Variants in DOCK6 observed in about 807,000 individuals in gnomAD.
The protein encoded by DOCK6 is dedicator of cytokinesis 6.
A neutral mutation model predicts 230.3 loss-of-function variants in DOCK6; 167 were observed. That is an observed-to-expected ratio of 0.73 (90% CI 0.64 to 0.82). The LOEUF (loss-of-function observed/expected upper bound fraction) is 0.82, where lower values mean the gene tolerates loss of function less well. Among genes scored for constraint, DOCK6 ranks in the 40% least tolerant of loss-of-function variants. The pLI is 0.00. For synonymous variants in DOCK6, 1,148 were observed against 1,185.0 expected (o/e 0.97, Z 0.64); for missense variants, 2,598 against 2,825.8 (o/e 0.92, Z 1.83).
rs1262410494 is a variant in DOCK6, at chr19:11,201,827, C to T, written c.5688+62G>A. 2 of 1,300,412 alleles carry T rather than the reference C, an allele frequency of 1.5e-6. No individual in the cohort carries two copies. The highest frequency in any genetic ancestry group is 4.2e-5 in the Admixed American group (2 of 47,744). 80.6% of individuals were successfully genotyped at this position (1,300,412 alleles called of 1,614,324 possible). The stretch of plus-strand genomic sequence containing the variant: ...GGTCCCTGTGTCTACCCTCCCCTCC[C>T]CTCCCAGGGTCTGATGTCCCCTCAC... On this transcript the variant is annotated intron_variant, in intron 44 of 47. Coordinates refer to ENST00000294618, the MANE Select transcript of DOCK6 (RefSeq NM_020812.4). This position sits in a 1 kb window ranked among gnomAD's most constrained non-coding sequence, Gnocchi z 4.3.
chr19:11,220,087 T>A (rs567853059), intron 28 of DOCK6, among the ~76,000 whole-genome samples: 28 of 151,976 alleles, frequency 1.8e-4, no homozygotes, highest in Non-Finnish European at 3.1e-4. Flanking sequence ...CCAAGTAGCT[T>A]GGATTACCGG....
At chr19:11,261,612 CAG>C (rs2080290261) in intron 1 of DOCK6, among the ~76,000 whole-genome samples, 1 of 152,150 alleles carries the variant, frequency 6.6e-6, no homozygotes, top group Non-Finnish European at 1.5e-5. Flanking sequence ...TTTTCAGCCC[CAG>C]AGAGTCTGAT....
At chr19:11,241,854 G>C in intron 14 of DOCK6, 191 bp downstream of exon 14, 1 of 1,323,750 alleles carries the variant, frequency 7.6e-7, no homozygotes, top group Non-Finnish European at 1.0e-6. Flanking sequence ...CAAAGGCAGA[G>C]GATGTAGCCC....
At chr19:11,239,546 C>G in intron 14 of DOCK6, 1 of 1,471,722 alleles carries the variant, frequency 6.8e-7, no homozygotes, top group Non-Finnish European at 9.3e-7. Flanking sequence ...GGCACCAGGT[C>G]GGCCAGTTAA....
At chr19:11,215,533 G>A in intron 31 of DOCK6, 62 bp from the exon 32 acceptor site, 1 of 1,499,880 alleles carries the variant, frequency 6.7e-7, no homozygotes, top group Non-Finnish European at 9.2e-7. Flanking sequence ...TGAACATCAG[G>A]AGAAATGCAC....
intron 32 of DOCK6, 127 bp downstream of exon 32, chr19:11,215,260 T>G: frequency 1.2e-6 from 1 of 826,260 alleles, no homozygotes; most frequent in South Asian, 1.7e-5. Context: ...GGCTAATTTT[T>G]AAATTTTTGG....
Position 11,262,429 on chromosome 19 carries a change from G to A in DOCK6, c.12C>T (p.Ser4=), listed in dbSNP as rs560244093. MAA[S]ERRAFAHKIN... is the part of the protein sequence containing the mutation. Reference sequence around the variant, plus strand: ...TCTTGTGCGCGAAGGCGCGGCGCTCGGAGGCAGCCATGGTCCTCGCGTCCC... The same window carrying A: ...TCTTGTGCGCGAAGGCGCGGCGCTCAGAGGCAGCCATGGTCCTCGCGTCCC... Residue 4 remains serine (S), a synonymous_variant, in exon 1 of 48, where the codon TCC becomes TCT. Coordinates refer to ENST00000294618, the MANE Select transcript of DOCK6 (RefSeq NM_020812.4). The A allele has an allele frequency of 4.3e-5, 54 of 1,254,576 alleles. No homozygotes were observed. Among genetic ancestry groups the A allele is most frequent in the Non-Finnish European group, 5.3e-5 (53 of 998,930 alleles). The allele number at this position is 1,254,576 out of a possible 1,614,324, so 77.7% of individuals were successfully genotyped here.
chr19:11,249,994 G>A (rs1944716304), intron 6 of DOCK6, among the ~76,000 whole-genome samples: 1 of 150,518 alleles, frequency 6.6e-6, no homozygotes, highest in African/African-American at 2.4e-5. Flanking sequence ...GTATATAGTA[G>A]GTGTCCATAT....
rs201242151 is a variant in DOCK6, at chr19:11,238,309, G to A, written c.1644-5C>T. 6 of 1,599,376 alleles carry A rather than the reference G, an allele frequency of 3.8e-6. No individual in the cohort carries two copies. The Admixed American group carries it at 1.0e-4, about 28-fold the overall frequency. On this transcript the variant is annotated splice_polypyrimidine_tract_variant and splice_region_variant and intron_variant, in intron 14 of 47. Coordinates refer to ENST00000294618, the MANE Select transcript of DOCK6 (RefSeq NM_020812.4). ...GGGTACACGTACAGCAGGTTCCTGT[G>A]GGGGGCAGGATGGGGGTGTCAGAGG... is the stretch of plus-strand genomic sequence containing the variant.
chr19:11,234,609 G>T (rs907995377), intron 21 of DOCK6, among the ~76,000 whole-genome samples: 1 of 150,230 alleles, frequency 6.7e-6, no homozygotes, highest in African/African-American at 2.5e-5. Flanking sequence ...CCATGAGGTG[G>T]GTACTATTAT....
intron 37 of DOCK6, among the ~76,000 whole-genome samples, chr19:11,211,209 G>T (rs1600862814): frequency 6.7e-6 from 1 of 149,748 alleles, no homozygotes; most frequent in Non-Finnish European, 1.5e-5. Context: ...GACTCTACCT[G>T]TGGAAACTTG....
chr19:11,242,070 C>T lies in DOCK6; in HGVS notation c.1618G>A (p.Val540Ile). 1 of 1,554,228 alleles carries T rather than the reference C, an allele frequency of 6.4e-7. No homozygotes were observed. Residue 540 changes from valine (V) to isoleucine (I), a missense_variant, in exon 14 of 48, where the codon GTC becomes ATC. Transcript: ENST00000294618. ...CTGTAGCTGGTATGGGGGGCATAGA[C>T]TTCGCGGGCGGGGAACTCCAGAATC... The part of the protein sequence containing the change: ...KEILEFPARE[V>I]YAPHTSYRNL...
intron 14 of DOCK6, chr19:11,239,515 C>A: frequency 8.2e-7 from 1 of 1,225,032 alleles, no homozygotes; most frequent in Non-Finnish European, 1.2e-6. Flanking sequence ...CGCACCACTG[C>A]CAGGCCCTTG....
rs753109339 is a variant in DOCK6 at position 11,236,388 on chromosome 19, C to G, written c.2350G>C (p.Val784Leu). Residue 784 changes from valine to leucine, a missense_variant, in exon 20 of 48, where the codon GTG (valine) becomes CTG (leucine). Physicochemically the swap from Val to Leu is conservative, Grantham distance 32. Transcript: ENST00000294618. The surrounding 1 kb of genome is among the most constrained non-coding windows in gnomAD (Gnocchi z 5.2). ...ATCGGGGGCCTGATGACCAGACGCA[C>G]GAGCTTGTCCAGCACGTGGTGGGAG... The part of the protein sequence containing the change: ...AFSHHVLDKL[V>L]RLVIRPPIIS... 1.4e-5 allele frequency: 22 copies of G among 1,580,206 alleles called. No homozygotes were observed. In the South Asian group the frequency reaches 2.3e-4, roughly 17 times the overall value.
chr19:11,202,625 G>C lies in DOCK6; in HGVS notation c.5320C>G (p.Pro1774Ala). The C allele has an allele frequency of 1.2e-6, 2 of 1,614,010 alleles. No individual in the cohort carries two copies. Among genetic ancestry groups the C allele is most frequent in the Non-Finnish European group, 1.7e-6 (2 of 1,179,902 alleles). The change falls in exon 42 of 48, where the codon CCA becomes GCA. Residue 1774 changes from proline (P) to alanine (A), a missense_variant. Coordinates refer to ENST00000294618, the MANE Select transcript of DOCK6 (RefSeq NM_020812.4). This position sits in a 1 kb window ranked among gnomAD's most constrained non-coding sequence, Gnocchi z 5.3. Reference protein sequence around the residue: ...LDEQEFVYKEPSITKLAEISH... With the variant: ...LDEQEFVYKEASITKLAEISH... ...ATCTCTGCCAGCTTCGTGATCGATG[G>C]CTCCTTGTACACAAACTCCTGCTCA...
intron 2 of DOCK6, among the ~76,000 whole-genome samples, chr19:11,253,340 C>T (rs940930898): frequency 1.2e-4 from 18 of 152,178 alleles, no homozygotes; most frequent in Non-Finnish European, 2.4e-4. Flanking sequence ...CCCAACTTCT[C>T]CCTCCTCCAT....
In DOCK6 at chr19:11,208,571, G is replaced by A. The variant is rs754604859; in HGVS notation, c.5088+115C>T. On this transcript the variant is annotated intron_variant, in intron 39 of 47. Coordinates refer to ENST00000294618, the MANE Select transcript of DOCK6 (RefSeq NM_020812.4). ...TGGGGTTACAGGCGTGAGCCACCGCGCCCAGCCTATTCTCCTTCTTTCTAA... is the reference window on the plus strand; with the variant it reads ...TGGGGTTACAGGCGTGAGCCACCGCACCCAGCCTATTCTCCTTCTTTCTAA... 5.7e-5 allele frequency: 82 copies of A among 1,426,720 alleles called. No homozygotes were observed. In the African/African-American group the frequency reaches 7.7e-4, roughly 13 times the overall value. 88.4% of individuals were successfully genotyped at this position (1,426,720 alleles called of 1,614,324 possible). A position where few individuals can be genotyped will look rare whatever the true frequency, so the allele number is the denominator to read the frequency against.
chr19:11,228,943 G>C lies in DOCK6; in HGVS notation c.2811C>G (p.Leu937=). Residue 937 remains leucine, a synonymous_variant, in exon 23 of 48, where the codon CTC becomes CTG. Coordinates refer to ENST00000294618, the MANE Select transcript of DOCK6 (RefSeq NM_020812.4). The part of the protein sequence containing the change: ...ILQHAWFFFQ[L]MVKSMALHLL... ...GGCAGGGAGGAGGGGGTCTCACCAT[G>C]AGCTGGAAGAAGAACCAGGCGTGCT... 4 of 1,613,758 alleles carry C rather than the reference G, an allele frequency of 2.5e-6. No individual in the cohort carries two copies. Among genetic ancestry groups the C allele is most frequent in the Non-Finnish European group, 2.5e-6 (3 of 1,179,832 alleles).
rs770643127 is a variant in DOCK6, at chr19:11,242,097, C to T, written c.1591G>A (p.Glu531Lys). The T allele has an allele frequency of 7.2e-6, 11 of 1,528,588 alleles. No homozygotes were observed. Among genetic ancestry groups the T allele is most frequent in the Non-Finnish European group, 9.6e-6 (11 of 1,141,764 alleles). The allele number at this position is 1,528,588 out of a possible 1,614,324, so 94.7% of individuals were successfully genotyped here. Reference sequence around the variant, plus strand: ...TCGCGGGCGGGGAACTCCAGAATCTCCTTGGTGGGCCGGCCCCTGGGGTCC... The same window carrying T: ...TCGCGGGCGGGGAACTCCAGAATCTTCTTGGTGGGCCGGCCCCTGGGGTCC... The part of the protein sequence containing the change: ...YPDPRGRPTK[E>K]ILEFPAREVY... Residue 531 changes from glutamate (E) to lysine (K), a missense_variant, in exon 14 of 48, where the codon GAG (glutamate) becomes AAG (lysine). Glu to Lys is a moderately conservative substitution (Grantham distance 56). Coordinates refer to ENST00000294618, the MANE Select transcript of DOCK6 (RefSeq NM_020812.4).
Sources: allele counts gnomAD v4.1 joint callset (sites outside exome capture counted in the v4.1 genomes callset), GRCh38; gene constraint gnomAD v4.1.1; non-coding constraint Gnocchi (gnomAD v3.1); transcripts MANE v1.5; gene names NCBI Gene and HGNC (gene_info 2026-07-23, HGNC 2026-07-21).